CTIF: variants seen among roughly 807,000 people sequenced by gnomAD.
CTIF encodes the protein CBP80/20-dependent translation initiation factor.
Under a neutral mutation model 66.0 loss-of-function variants are expected in CTIF, and 21 were observed. The ratio of observed to expected loss-of-function variants is 0.32; its 90% CI spans 0.23 to 0.46. The LOEUF (loss-of-function observed/expected upper bound fraction) is 0.46, where lower values mean the gene tolerates loss of function less well. CTIF is among the 20% of genes least tolerant of loss of function. The pLI is 1.00. For synonymous variants in CTIF, 345 were observed against 326.4 expected (o/e 1.06, Z -0.62); for missense variants, 739 against 812.7 (o/e 0.91, Z 1.10).
chr18:48,567,023 A>G (rs2143571908), intron 1 of CTIF: 1 of 152,318 alleles, frequency 6.6e-6, no homozygotes, highest in South Asian at 2.1e-4. Context: ...TCATTTATTC[A>G]CCAGATATTT....
chr18:48,658,713 G>C (rs1446251442), intron 3 of CTIF, among the ~76,000 whole-genome samples: 1 of 152,146 alleles, frequency 6.6e-6, no homozygotes, highest in African/African-American at 2.4e-5. Context: ...ATATGTGTCT[G>C]TGGCATATGT....
intron 1 of CTIF, among the ~76,000 whole-genome samples, chr18:48,552,389 A>G (rs912763968): frequency 6.6e-6 from 1 of 152,202 alleles, no homozygotes; most frequent in Non-Finnish European, 1.5e-5. Context: ...GTCTTAGTCC[A>G]TTTGGGCTGC....
chr18:48,619,516 T>G, intron 1 of CTIF, 22 bp from the exon 2 acceptor site: 3 of 1,394,250 alleles, frequency 2.2e-6, no homozygotes, highest in Non-Finnish European at 2.8e-6. Flanking sequence ...CTCACGGAGT[T>G]CTCTGTCCTC....
intron 2 of CTIF, among the ~76,000 whole-genome samples, chr18:48,628,626 A>T (rs945932242): frequency 6.6e-6 from 1 of 152,126 alleles, no homozygotes; most frequent in Admixed American, 6.5e-5. Context: ...ACCTATTATT[A>T]TTACAGATGG....
chr18:48,664,591 C>A (rs1215884203), intron 5 of CTIF, 40 bp downstream of exon 5: 1 of 1,569,450 alleles, frequency 6.4e-7, no homozygotes, highest in African/African-American at 1.3e-5. Flanking sequence ...TGGGGTGGGG[C>A]AGGGGACGGG....
rs1908985394 is a variant in CTIF at position 48,761,490 on chromosome 18, C to T, written c.1172C>T (p.Thr391Ile). ...CGGAACAACAGCAGCGACGTGGACACCAAGCTCACCACCTTCATGGAGGAG... is the reference window on the plus strand; with the variant it reads ...CGGAACAACAGCAGCGACGTGGACATCAAGCTCACCACCTTCATGGAGGAG... The part of the protein sequence containing the change: ...SMRNNSSDVD[T>I]KLTTFMEEAQ... The change falls in exon 9 of 12, where the codon ACC becomes ATC. Residue 391 changes from threonine to isoleucine, a missense_variant. Around this residue, in one of 2 missense-constraint regions of CTIF, gnomAD observed 210 missense variants for 292.3 expected, o/e 0.72. Coordinates refer to ENST00000256413, the MANE Select transcript of CTIF (RefSeq NM_014772.3). This position sits in a 1 kb window ranked among gnomAD's most constrained non-coding sequence, Gnocchi z 4.2. 4 of 1,614,092 alleles carry T rather than the reference C, an allele frequency of 2.5e-6. No individual in the cohort carries two copies. The highest frequency in any genetic ancestry group is 3.4e-6 in the Non-Finnish European group (4 of 1,180,048).
intron 7 of CTIF, among the ~76,000 whole-genome samples, chr18:48,741,475 G>A (rs1185222232): frequency 6.8e-6 from 1 of 147,842 alleles, no homozygotes; most frequent in African/African-American, 2.5e-5. Context: ...CAGGCTTGGA[G>A]TGCAGTGTTG....
chr18:48,827,748 A>G (rs1184749251), intron 10 of CTIF, among the ~76,000 whole-genome samples: 7 of 152,096 alleles, frequency 4.6e-5, no homozygotes, highest in African/African-American at 1.2e-4. Flanking sequence ...AGCTGCTGCT[A>G]TGAATACCCC....
rs572478389 is a variant in CTIF, at chr18:48,694,312, G to A, written c.508-17307G>A. Among the ~76,000 whole-genome samples, 17 of 152,370 alleles carry A rather than the reference G, an allele frequency of 1.1e-4. No individual in the cohort carries two copies. In the South Asian group the frequency reaches 3.3e-3, roughly 30 times the overall value. ...AGGACAATGGATTCAGGTGAGGAGG[G>A]CTGCAGGAGGCAGAGGCTCTGGAGA... On this transcript the variant is annotated intron_variant, in intron 6 of 11. Transcript: ENST00000256413.
At chr18:48,852,370 C>G (rs1429683209) in intron 10 of CTIF, among the ~76,000 whole-genome samples, 1 of 151,730 alleles carries the variant, frequency 6.6e-6, no homozygotes, top group Non-Finnish European at 1.5e-5. Context: ...CAGACAGTCA[C>G]AGGACCCTCC....
chr18:48,756,904 C>T (rs1908419908), intron 7 of CTIF, among the ~76,000 whole-genome samples: 1 of 152,220 alleles, frequency 6.6e-6, no homozygotes, highest in Admixed American at 6.5e-5. Context: ...GTTAAATATT[C>T]CTTCTGTATC....
At chr18:48,848,976 C>T (rs533689216) in intron 10 of CTIF, among the ~76,000 whole-genome samples, 49 of 152,192 alleles carry the variant, frequency 3.2e-4, no homozygotes, top group African/African-American at 6.3e-4. Flanking sequence ...TTTTGCCGTT[C>T]GAGGGCACGG....
At chr18:48,645,448 C>T (rs1235015786) in intron 3 of CTIF, among the ~76,000 whole-genome samples, 1 of 152,112 alleles carries the variant, frequency 6.6e-6, no homozygotes, top group Non-Finnish European at 1.5e-5. Flanking sequence ...GAACACATCC[C>T]CACCCCCATC....
chr18:48,841,919 C>T (rs370501145), intron 10 of CTIF, among the ~76,000 whole-genome samples: 88 of 152,276 alleles, frequency 5.8e-4, no homozygotes, highest in African/African-American at 2.0e-3. Flanking sequence ...GACTCCTCAG[C>T]GCTCACACAC....
At chr18:48,721,866 C>G (rs1425702215) in intron 7 of CTIF, among the ~76,000 whole-genome samples, 1 of 152,172 alleles carries the variant, frequency 6.6e-6, no homozygotes, top group East Asian at 1.9e-4. Context: ...TTCTCTTACA[C>G]TTTAAGGGTA....
At chr18:48,571,085 T>C (rs17828933) in intron 1 of CTIF, among the ~76,000 whole-genome samples, 11,838 of 152,270 alleles carry the variant, frequency 0.078, 520 homozygotes, top group South Asian at 0.1. Flanking sequence ...CTGCAAAGTA[T>C]GGAAGTATTG....
At chr18:48,678,279 G>C (rs1468596435) in intron 6 of CTIF, among the ~76,000 whole-genome samples, 1 of 152,162 alleles carries the variant, frequency 6.6e-6, no homozygotes, top group African/African-American at 2.4e-5. Flanking sequence ...AGCTTTGAAA[G>C]AGAAATATTT....
chr18:48,859,711 G>C lies in CTIF; in HGVS notation c.*152G>C. On this transcript the variant is annotated 3_prime_UTR_variant, in exon 12 of 12. Transcript: ENST00000256413. ...CGGTGGCCAGTCTGGAGCCAGACGGGGAAGGGAGCAAATCCCTGAGAGGAG... is the reference window on the plus strand; with the variant it reads ...CGGTGGCCAGTCTGGAGCCAGACGGCGAAGGGAGCAAATCCCTGAGAGGAG... The C allele has an allele frequency of 2.7e-6, 2 of 739,418 alleles. No homozygotes were observed. The highest frequency in any genetic ancestry group is 3.0e-5 in the South Asian group (2 of 66,026). 45.8% of individuals were successfully genotyped at this position (739,418 alleles called of 1,614,324 possible).
At chr18:48,600,533 G>GTATCCCAAGGT (rs1415994512) in intron 1 of CTIF, among the ~76,000 whole-genome samples, 2 of 152,002 alleles carry the variant, frequency 1.3e-5, no homozygotes, top group African/African-American at 2.4e-5. Context: ...ATTCGCCTTG[G>GTATCCCAAGGT]TATCCCAAGG....
Sources: gnomAD v4.1 joint callset for allele counts (sites outside exome capture counted in the v4.1 genomes callset) on GRCh38, gnomAD v4.1.1 for gene constraint, gnomAD v4.1.1 regional missense constraint, Gnocchi (gnomAD v3.1) non-coding constraint, MANE v1.5 for transcripts, NCBI Gene and HGNC (gene_info 2026-07-23, HGNC 2026-07-21) for gene names.